NME9: variants seen among roughly 807,000 people sequenced by gnomAD.
The protein encoded by NME9 is NME/NM23 family member 9.
In NME9, 48 loss-of-function variants were observed where a neutral mutation model predicts 44.4. The ratio of observed to expected loss-of-function variants is 1.08; its 90% CI spans 0.86 to 1.37. The LOEUF (loss-of-function observed/expected upper bound fraction) is 1.37, where lower values mean the gene tolerates loss of function less well. Ranked by LOEUF, NME9 falls within the 40% of genes most tolerant of loss-of-function variation. The pLI is 0.00. For missense variants in NME9, 325 were observed against 405.2 expected, an observed-to-expected ratio of 0.80 and a Z score of 1.70; for synonymous variants, 139 against 147.1, an observed-to-expected ratio of 0.94 and a Z score of 0.40.
downstream of NME9, among the ~76,000 whole-genome samples, chr3:138,299,143 C>G (rs895458473): frequency 6.6e-6 from 1 of 152,188 alleles, no homozygotes; most frequent in African/African-American, 2.4e-5. Flanking sequence ...TGCCCCTTGC[C>G]TGTTTACTGG....
intron 8 of NME9, among the ~76,000 whole-genome samples, chr3:138,286,974 G>T (rs1185713466): frequency 6.6e-6 from 1 of 152,034 alleles, no homozygotes; most frequent in African/African-American, 2.4e-5. Flanking sequence ...AGTCCTATCT[G>T]CCCTTCTTCC....
At chr3:138,301,998 CATT>C (rs1287710526) in intron 10 of NME9, among the ~76,000 whole-genome samples, 3 of 152,150 alleles carry the variant, frequency 2.0e-5, no homozygotes, top group East Asian at 3.8e-4. Flanking sequence ...ACGAGTCTAT[CATT>C]ATCTCCATTT....
intron 6 of NME9, among the ~76,000 whole-genome samples, chr3:138,309,962 G>A (rs2052577285): frequency 6.6e-6 from 1 of 151,842 alleles, no homozygotes; most frequent in African/African-American, 2.4e-5. Flanking sequence ...AGGAGGTGGA[G>A]GTTGCAGTGA....
At chr3:138,294,935 G>A (rs1322050366) in intron 8 of NME9, among the ~76,000 whole-genome samples, 1 of 142,972 alleles carries the variant, frequency 7.0e-6, no homozygotes, top group Non-Finnish European at 1.5e-5. Flanking sequence ...TTTCACTCTT[G>A]TCGCACAGGC....
At chr3:138,263,391 G>C (rs1358603642) in intron 8 of NME9, 1 of 235,896 alleles carries the variant, frequency 4.2e-6, no homozygotes, top group Non-Finnish European at 8.4e-6. Context: ...ACTCTGGAAG[G>C]AACCTGCCCA....
At chr3:138,326,118 A>C (rs936138260) in intron 1 of NME9, among the ~76,000 whole-genome samples, 1 of 152,186 alleles carries the variant, frequency 6.6e-6, no homozygotes, top group Non-Finnish European at 1.5e-5. Context: ...TATTTTGTAG[A>C]ATGTCCCTCA....
At chr3:138,324,576 A>G (rs1370305901) in intron 2 of NME9, 2 of 506,160 alleles carry the variant, frequency 4.0e-6, no homozygotes, top group East Asian at 5.4e-5. Context: ...ATTCCTTCCA[A>G]TGCATTCTCC....
At chr3:138,304,461 T>A (rs985229994) in intron 9 of NME9, among the ~76,000 whole-genome samples, 1 of 152,122 alleles carries the variant, frequency 6.6e-6, no homozygotes, top group Non-Finnish European at 1.5e-5. Flanking sequence ...GACACCCTGA[T>A]GGGGAGTAGG....
intron 6 of NME9, among the ~76,000 whole-genome samples, chr3:138,307,007 T>C (rs1324199287): frequency 6.6e-6 from 1 of 152,236 alleles, no homozygotes; most frequent in Non-Finnish European, 1.5e-5. Context: ...TCTGATACTT[T>C]TTCCCTTTCC....
chr3:138,278,498 C>T (rs1053139863), intron 8 of NME9, among the ~76,000 whole-genome samples: 5 of 150,468 alleles, frequency 3.3e-5, no homozygotes, highest in African/African-American at 1.2e-4. Context: ...AGCAAGACTC[C>T]ATCTCAAAAA....
chr3:138,269,657 A>C (rs2048592046), intron 8 of NME9, among the ~76,000 whole-genome samples: 4 of 152,158 alleles, frequency 2.6e-5, no homozygotes. Flanking sequence ...TGTACACATA[A>C]AGCAGAAAGT....
chr3:138,289,169 C>T, intron 8 of NME9: 1 of 1,456,610 alleles, frequency 6.9e-7, no homozygotes, highest in Middle Eastern at 1.8e-4. Context: ...GGAAGAGTGT[C>T]TTGCACAGGG....
intron 8 of NME9, among the ~76,000 whole-genome samples, chr3:138,268,182 G>A (rs1004852588): frequency 5.9e-5 from 9 of 152,150 alleles, no homozygotes; most frequent in African/African-American, 1.9e-4. Flanking sequence ...GGCAAAGGTT[G>A]CAGTGAGCTG....
chr3:138,284,539 C>G, intron 8 of NME9: 1 of 1,564,236 alleles, frequency 6.4e-7, no homozygotes, highest in Non-Finnish European at 8.8e-7. Flanking sequence ...GAGCCCTTGT[C>G]CCCTTTCACC....
At chr3:138,286,825 C>T (rs2050471140) in intron 8 of NME9, among the ~76,000 whole-genome samples, 1 of 152,150 alleles carries the variant, frequency 6.6e-6, no homozygotes, top group Non-Finnish European at 1.5e-5. Context: ...ATGTGTTTCC[C>T]AGCCTAGACC....
At chr3:138,314,173 CATCT>C (rs1427413857) in intron 6 of NME9, among the ~76,000 whole-genome samples, 155 bp downstream of exon 6, 1 of 152,136 alleles carries the variant, frequency 6.6e-6, no homozygotes, top group African/African-American at 2.4e-5. Flanking sequence ...AAAATATGCA[CATCT>C]ATTATATATC....
intron 2 of NME9, chr3:138,324,662 C>A: frequency 1.5e-6 from 1 of 645,360 alleles, no homozygotes. Flanking sequence ...GACTCATTTC[C>A]TGAACTGAAT....
Position 138,318,205 on chromosome 3 carries a change from A to G in NME9, c.210T>C (p.Arg70=). The G allele has an allele frequency of 6.2e-7, 1 of 1,612,228 alleles. No homozygotes were observed. Among genetic ancestry groups the G allele is most frequent in the Non-Finnish European group, 8.5e-7 (1 of 1,178,266 alleles). ...CTCTGTACTTTTCGAGGACATCAAG[A>G]CGATCTGCCTCTGCCTAAAGAAAGC... ...LLHFALAEAD[R]LDVLEKYRGK... is the part of the protein sequence containing the mutation. The change falls in exon 4 of 11, where the codon CGT becomes CGC. Residue 70 remains arginine, a synonymous_variant. Transcript: ENST00000333911.
intron 9 of NME9, 111 bp downstream of exon 9, chr3:138,304,762 T>C: frequency 1.9e-6 from 2 of 1,046,834 alleles, no homozygotes; most frequent in East Asian, 2.4e-5. Flanking sequence ...AGCCTGGCCA[T>C]CAGAGAGTCC....
Sources: allele counts gnomAD v4.1 joint callset (sites outside exome capture counted in the v4.1 genomes callset), GRCh38; gene constraint gnomAD v4.1.1; transcripts MANE v1.5; gene names NCBI Gene and HGNC (gene_info 2026-07-23, HGNC 2026-07-21).